Variants in KAZN observed in about 807,000 individuals in gnomAD.
KAZN encodes the protein kazrin.
In KAZN, 40 loss-of-function variants were observed where a neutral mutation model predicts 87.4. The ratio of observed to expected loss-of-function variants is 0.46; its 90% CI spans 0.36 to 0.60. The LOEUF (loss-of-function observed/expected upper bound fraction) is 0.60. Among genes scored for constraint, KAZN ranks in the 20% least tolerant of loss-of-function variants. The pLI is 0.00. For missense variants in KAZN, 898 were observed against 1,073.9 expected (o/e 0.84, Z 2.29); for synonymous variants, 466 against 458.3 (o/e 1.02, Z -0.22).
chr1:14,496,716 A>G (rs1480957491), intron 2 of KAZN, among the ~76,000 whole-genome samples: 2 of 152,182 alleles, frequency 1.3e-5, no homozygotes, highest in African/African-American at 2.4e-5. Flanking sequence ...GGGCTCTCTC[A>G]GTCACACTGA....
At chr1:14,708,847 T>C (rs1217727464) in intron 1 of KAZN, among the ~76,000 whole-genome samples, 1 of 151,960 alleles carries the variant, frequency 6.6e-6, no homozygotes, top group East Asian at 1.9e-4. Context: ...CTGATTTTGG[T>C]TTATCGTTTT....
chr1:14,858,432 C>T (rs1429566677), intron 1 of KAZN, among the ~76,000 whole-genome samples: 2 of 152,038 alleles, frequency 1.3e-5, no homozygotes, highest in East Asian at 3.9e-4. Context: ...TGGCTGGTCT[C>T]GAACTCCTGA....
chr1:15,010,046 G>T (rs1255695024), intron 2 of KAZN, among the ~76,000 whole-genome samples: 1 of 152,172 alleles, frequency 6.6e-6, no homozygotes, highest in African/African-American at 2.4e-5. Context: ...TTGGAATCAG[G>T]ATCCAAATAT....
At chr1:14,604,885 G>A (rs1366670172) in intron 1 of KAZN, among the ~76,000 whole-genome samples, 1 of 152,224 alleles carries the variant, frequency 6.6e-6, no homozygotes, top group African/African-American at 2.4e-5. Context: ...AGGCTGGAGA[G>A]GGGAGAGAAG....
At chr1:14,114,990 T>G (rs187434451) in intron 1 of KAZN, among the ~76,000 whole-genome samples, 1 of 152,368 alleles carries the variant, frequency 6.6e-6, no homozygotes, top group Non-Finnish European at 1.5e-5. Context: ...CCCCACCTTC[T>G]TAGCCACTGC....
chr1:13,952,418 A>G (rs1236605854), intron 1 of KAZN, among the ~76,000 whole-genome samples: 1 of 151,846 alleles, frequency 6.6e-6, no homozygotes, highest in East Asian at 1.9e-4. Flanking sequence ...GGATGATAGG[A>G]TGAAACAGAA....
chr1:13,926,115 T>G (rs768212700), intron 1 of KAZN, among the ~76,000 whole-genome samples: 8 of 152,168 alleles, frequency 5.3e-5, no homozygotes, highest in Non-Finnish European at 1.5e-5. Context: ...GAGTCTTCAC[T>G]AATGAGTCAC....
chr1:14,350,966 G>A (rs1658504112), intron 2 of KAZN: 1 of 152,362 alleles, frequency 6.6e-6, no homozygotes, highest in African/African-American at 2.4e-5. Context: ...AGGGGTGTGT[G>A]TGGTCAGTTG....
At chr1:14,081,021 A>G (rs1039550315) in intron 1 of KAZN, among the ~76,000 whole-genome samples, 1 of 152,132 alleles carries the variant, frequency 6.6e-6, no homozygotes, top group Non-Finnish European at 1.5e-5. Flanking sequence ...AAAACCTTTT[A>G]GCTAGCAAGG....
intron 1 of KAZN, among the ~76,000 whole-genome samples, chr1:14,897,018 A>G (rs1655349419): frequency 6.6e-6 from 1 of 152,182 alleles, no homozygotes; most frequent in South Asian, 2.1e-4. Flanking sequence ...ATAAAAAAAC[A>G]AAGGTGTTTA....
intron 1 of KAZN, among the ~76,000 whole-genome samples, chr1:13,932,257 C>CAT (rs558004827): frequency 0.28 from 19,755 of 71,142 alleles, 2,193 homozygotes; most frequent in Middle Eastern, 0.47. Flanking sequence ...GCTTATTAAA[C>CAT]ATTTTTTTTT....
At chr1:14,683,755 T>C (rs1410265936) in intron 1 of KAZN, among the ~76,000 whole-genome samples, 1 of 152,236 alleles carries the variant, frequency 6.6e-6, no homozygotes, top group African/African-American at 2.4e-5. Flanking sequence ...CATCCTGTAG[T>C]ATCCTCATTA....
intron 2 of KAZN, among the ~76,000 whole-genome samples, chr1:14,408,968 A>T (rs3915584): frequency 0.13 from 19,324 of 152,144 alleles, 1,405 homozygotes; most frequent in South Asian, 0.19. Flanking sequence ...GATATTTAAG[A>T]TGAGACCAGA....
intron 1 of KAZN, among the ~76,000 whole-genome samples, chr1:14,656,844 CAGG>C (rs1167766766): frequency 1.3e-5 from 2 of 152,340 alleles, no homozygotes; most frequent in South Asian, 2.1e-4. Flanking sequence ...TACAATTCAA[CAGG>C]AGATTCGGGC....
intron 1 of KAZN, among the ~76,000 whole-genome samples, chr1:13,949,690 A>G (rs376251128): frequency 2.6e-5 from 4 of 152,146 alleles, no homozygotes; most frequent in African/African-American, 9.7e-5. Flanking sequence ...CCATATGAAT[A>G]TACCTTATGA....
chr1:13,933,396 G>A (rs977744652), intron 1 of KAZN, among the ~76,000 whole-genome samples: 6 of 152,198 alleles, frequency 3.9e-5, no homozygotes, highest in Middle Eastern at 3.4e-3. Context: ...GGAGGCTGAC[G>A]GAGGAGAATT....
intron 1 of KAZN, among the ~76,000 whole-genome samples, chr1:13,933,014 A>G (rs1557729582): frequency 6.6e-6 from 1 of 152,148 alleles, no homozygotes; most frequent in Non-Finnish European, 1.5e-5. Context: ...CCTATTCCCT[A>G]TTTCCCCGAA....
At chr1:14,235,765 T>C (rs952414261) in intron 2 of KAZN, among the ~76,000 whole-genome samples, 2 of 152,230 alleles carry the variant, frequency 1.3e-5, no homozygotes, top group Admixed American at 1.3e-4. Context: ...GGATGGACTC[T>C]TAGGCATCCA....
intron 2 of KAZN, among the ~76,000 whole-genome samples, chr1:14,997,395 C>T (rs1668007906): frequency 6.6e-6 from 1 of 151,990 alleles, no homozygotes. Flanking sequence ...CATGCGTCAC[C>T]ACACCCAGCT....
Sources: allele counts gnomAD v4.1 joint callset (sites outside exome capture counted in the v4.1 genomes callset), GRCh38; gene constraint gnomAD v4.1.1; transcripts MANE v1.5; gene names NCBI Gene and HGNC (gene_info 2026-07-23, HGNC 2026-07-21).